DCLK1: variants seen among roughly 807,000 people sequenced by gnomAD.
The protein encoded by DCLK1 is doublecortin like kinase 1, also known as serine/threonine-protein kinase DCLK1.
DCLK1 carries 16 observed loss-of-function variants against 86.2 expected under a neutral mutation model. The ratio of observed to expected loss-of-function variants is 0.19; its 90% CI spans 0.13 to 0.28. The LOEUF (loss-of-function observed/expected upper bound fraction) is 0.28. DCLK1 is among the 10% of genes least tolerant of loss of function. The pLI is 1.00. For synonymous variants in DCLK1, 369 were observed against 370.5 expected (o/e 1.00, Z 0.05); for missense variants, 590 against 940.2 (o/e 0.63, Z 4.87).
At position 35,828,288 on chromosome 13, in the gene DCLK1, C is replaced by T; in HGVS notation, c.1249G>A (p.Ala417Thr). The T allele has an allele frequency of 6.2e-7, 1 of 1,610,240 alleles. No homozygotes were observed. Among genetic ancestry groups the T allele is most frequent in the Non-Finnish European group, 8.5e-7 (1 of 1,179,416 alleles). Residue 417 changes from alanine to threonine, a missense_variant, in exon 9 of 17, where the codon GCT becomes ACT. By Grantham distance (58) the Ala-to-Thr change is moderately conservative (BLOSUM62 0). Around this residue, in one of 6 missense-constraint regions of DCLK1, gnomAD observed 108 missense variants for 195.7 expected, o/e 0.55. Transcript: ENST00000360631. ...CVERSTAREY[A>T]LKIIKKSKCR... ...TTGCTTTTCTTGATAATTTTCAGAGCATACTCTCTAGCAGTCGATCTGCGA... is the reference window on the plus strand; with the variant it reads ...TTGCTTTTCTTGATAATTTTCAGAGTATACTCTCTAGCAGTCGATCTGCGA...
chr13:36,018,068 G>A (rs549185509), intron 3 of DCLK1, among the ~76,000 whole-genome samples: 1 of 152,208 alleles, frequency 6.6e-6, no homozygotes, highest in South Asian at 2.1e-4. Flanking sequence ...TAACACACTT[G>A]CCTACCACTG....
At chr13:36,001,239 C>T (rs191843339) in intron 3 of DCLK1, among the ~76,000 whole-genome samples, 7 of 152,274 alleles carry the variant, frequency 4.6e-5, no homozygotes, top group South Asian at 4.1e-4. Context: ...TGAGCCACCG[C>T]GCCTGGCCGC....
At chr13:35,846,521 T>C (rs1870187044) in intron 6 of DCLK1, 1 of 985,222 alleles carries the variant, frequency 1.0e-6, no homozygotes, top group African/African-American at 1.7e-5. Flanking sequence ...AAAGACATCA[T>C]ATGTCATGCA....
intron 16 of DCLK1, among the ~76,000 whole-genome samples, chr13:35,779,227 C>T (rs1411830752): frequency 6.6e-6 from 1 of 152,048 alleles, no homozygotes; most frequent in East Asian, 1.9e-4. Flanking sequence ...CCACCTGCCT[C>T]GGCCTCCCAA....
rs142537715 is a variant in DCLK1, at chr13:36,082,449, G to C, written c.723+29420C>G. ...GGCTATTAGTAATTAAGTTTTGGAA[G>C]TGTCTAAAGTTATACATATATTTTT... On this transcript the variant is annotated intron_variant, in intron 3 of 16. Transcript: ENST00000360631. Among the ~76,000 whole-genome samples, 25 of 152,326 alleles carry C rather than the reference G, an allele frequency of 1.6e-4. No individual in the cohort carries two copies. The East Asian group carries it at 4.2e-3, about 26-fold the overall frequency.
intron 16 of DCLK1, among the ~76,000 whole-genome samples, chr13:35,779,295 A>C (rs937475567): frequency 6.6e-6 from 1 of 152,148 alleles, no homozygotes; most frequent in East Asian, 1.9e-4. Context: ...ATTCTTGAAG[A>C]CTTGATCAAA....
chr13:35,962,450 G>A (rs1365828178), intron 3 of DCLK1, among the ~76,000 whole-genome samples: 1 of 152,132 alleles, frequency 6.6e-6, no homozygotes, highest in Non-Finnish European at 1.5e-5. Context: ...AGAGGCCTGG[G>A]AATGATTCTC....
chr13:35,969,803 A>T (rs7991850), intron 3 of DCLK1, among the ~76,000 whole-genome samples: 6,638 of 152,124 alleles, frequency 0.044, 415 homozygotes, highest in African/African-American at 0.14. Flanking sequence ...CTAACCCCCG[A>T]TGTAATAGTA....
intron 6 of DCLK1, among the ~76,000 whole-genome samples, chr13:35,840,506 T>A: frequency 6.6e-6 from 1 of 152,152 alleles, no homozygotes. Context: ...GTAATAGCAA[T>A]AGTACACCTG....
chr13:35,942,077 A>G (rs117809277), intron 4 of DCLK1, among the ~76,000 whole-genome samples: 3,865 of 152,142 alleles, frequency 0.025, 59 homozygotes, highest in Middle Eastern at 0.068. Context: ...CCCTGTTAGA[A>G]CCTTTTCGGA....
chr13:36,074,021 T>C (rs1469584612), intron 3 of DCLK1, among the ~76,000 whole-genome samples: 1 of 152,196 alleles, frequency 6.6e-6, no homozygotes, highest in African/African-American at 2.4e-5. Flanking sequence ...TGGATAACCA[T>C]TTAGTTATGG....
intron 3 of DCLK1, among the ~76,000 whole-genome samples, chr13:36,050,140 T>C (rs775159255): frequency 6.6e-6 from 1 of 152,222 alleles, no homozygotes; most frequent in Non-Finnish European, 1.5e-5. Flanking sequence ...CTGTTAAACT[T>C]TCATTTTATA....
chr13:35,918,322 C>T (rs937028214), intron 4 of DCLK1, among the ~76,000 whole-genome samples: 1 of 152,198 alleles, frequency 6.6e-6, no homozygotes, highest in East Asian at 1.9e-4. Context: ...AGGTAATACC[C>T]GGCAGACAGA....
intron 3 of DCLK1, among the ~76,000 whole-genome samples, chr13:36,037,031 A>C (rs1024856218): frequency 1.3e-5 from 2 of 152,228 alleles, no homozygotes; most frequent in Admixed American, 1.3e-4. Flanking sequence ...TATATATCAC[A>C]CACACACACA....
chr13:36,103,284 C>T (rs1417312676), intron 3 of DCLK1, among the ~76,000 whole-genome samples: 1 of 151,730 alleles, frequency 6.6e-6, no homozygotes, highest in Non-Finnish European at 1.5e-5. Flanking sequence ...GCCTGTAATC[C>T]CAGCTACTTG....
At chr13:35,847,658 A>AG (rs1482020292) in intron 6 of DCLK1, 56 of 937,856 alleles carry the variant, frequency 6.0e-5, no homozygotes, top group Admixed American at 2.5e-4. Flanking sequence ...AAAGAAAGAA[A>AG]AAGAGCCCAA....
At chr13:35,906,935 A>C (rs1275472070) in intron 4 of DCLK1, among the ~76,000 whole-genome samples, 2 of 152,174 alleles carry the variant, frequency 1.3e-5, no homozygotes, top group African/African-American at 4.8e-5. Context: ...AGGACACAGC[A>C]TCTGCTCCAA....
At chr13:35,911,040 T>G (rs1177272929) in intron 4 of DCLK1, among the ~76,000 whole-genome samples, 1 of 151,052 alleles carries the variant, frequency 6.6e-6, no homozygotes, top group Non-Finnish European at 1.5e-5. Flanking sequence ...TCCCAGCACT[T>G]TGGGAGGCAG....
At chr13:35,866,123 A>G (rs1176981742) in intron 5 of DCLK1, among the ~76,000 whole-genome samples, 2 of 152,200 alleles carry the variant, frequency 1.3e-5, no homozygotes, top group African/African-American at 4.8e-5. Flanking sequence ...AGAGCAAAGC[A>G]GTTATCCCAG....
Sources: allele counts gnomAD v4.1 joint callset (sites outside exome capture counted in the v4.1 genomes callset), GRCh38; gene constraint gnomAD v4.1.1; regional missense constraint gnomAD v4.1.1; transcripts MANE v1.5; gene names NCBI Gene and HGNC (gene_info 2026-07-23, HGNC 2026-07-21).